The following EIF3L variants were observed in gnomAD, a reference collection of about 807,000 sequenced individuals.
EIF3L encodes eIEF associated protein HSPC021.
A neutral mutation model predicts 74.6 loss-of-function variants in EIF3L; 32 were observed. That is an observed-to-expected ratio of 0.43 (90% CI 0.32 to 0.58). EIF3L has a LOEUF of 0.58. Ranked by LOEUF, EIF3L falls within the 20% of genes least tolerant of loss-of-function variation. EIF3L has a pLI of 0.06. For synonymous variants in EIF3L, 256 were observed against 254.4 expected, an observed-to-expected ratio of 1.01 and a Z score of -0.06; for missense variants, 474 against 707.8, an observed-to-expected ratio of 0.67 and a Z score of 3.75.
At chr22:37,886,726 C>T (rs775710886) in intron 11 of EIF3L, 39 bp from the exon 12 acceptor site, 9 of 1,587,456 alleles carry the variant, frequency 5.7e-6, no homozygotes, top group Non-Finnish European at 3.4e-6. Context: ...CCTGCTCCTC[C>T]ACCTGGCTGC....
At chr22:37,857,567 C>A (rs1362605913) in intron 4 of EIF3L, among the ~76,000 whole-genome samples, 1 of 151,200 alleles carries the variant, frequency 6.6e-6, no homozygotes, top group Non-Finnish European at 1.5e-5. Flanking sequence ...GATGGAGTCA[C>A]GGAGTCTTGC....
chr22:37,856,303 C>T (rs1046799486), intron 4 of EIF3L, among the ~76,000 whole-genome samples: 2 of 152,228 alleles, frequency 1.3e-5, no homozygotes, highest in African/African-American at 2.4e-5. Context: ...TCTCGAACTG[C>T]TGACGTCAGG....
At chr22:37,864,575 G>C (rs944805752) in intron 7 of EIF3L, among the ~76,000 whole-genome samples, 3 of 144,382 alleles carry the variant, frequency 2.1e-5, no homozygotes, top group African/African-American at 7.8e-5. Flanking sequence ...GTCTGACTCT[G>C]TTACCCAGGC....
intron 3 of EIF3L, among the ~76,000 whole-genome samples, chr22:37,852,179 T>G (rs1925265077): frequency 1.3e-5 from 2 of 152,174 alleles, no homozygotes; most frequent in African/African-American, 4.8e-5. Context: ...ATAATAATGA[T>G]TAGCATTTGT....
chr22:37,860,190 TCTAAA>T (rs1210209181), intron 5 of EIF3L, among the ~76,000 whole-genome samples: 9 of 152,208 alleles, frequency 5.9e-5, no homozygotes. Context: ...TTATTTTCCC[TCTAAA>T]CTAGTTTTTC....
At chr22:37,888,175 G>T in intron 12 of EIF3L, 1 of 413,088 alleles carries the variant, frequency 2.4e-6, no homozygotes, top group South Asian at 6.7e-5. Flanking sequence ...TCCTTTTTCT[G>T]TCAGATGGAT....
intron 10 of EIF3L, chr22:37,876,245 T>G: frequency 2.3e-6 from 1 of 441,620 alleles, no homozygotes; most frequent in South Asian, 4.2e-5. Flanking sequence ...TCATCCTACC[T>G]TAGTCTTCCG....
intron 8 of EIF3L, among the ~76,000 whole-genome samples, chr22:37,872,705 A>G (rs1029777920): frequency 1.3e-5 from 2 of 151,648 alleles, no homozygotes; most frequent in East Asian, 3.9e-4. Context: ...TGCATCCTCT[A>G]CCTGCTGGGC....
At chr22:37,870,508 A>G (rs1222956039) in intron 8 of EIF3L, among the ~76,000 whole-genome samples, 161 bp downstream of exon 8, 3 of 152,166 alleles carry the variant, frequency 2.0e-5, no homozygotes, top group African/African-American at 7.2e-5. Context: ...GTAGCAGAGT[A>G]TTTGTGCTGG....
chr22:37,858,434 AGTCTCTAAATG>A, intron 4 of EIF3L: 1 of 476,736 alleles, frequency 2.1e-6, no homozygotes, highest in South Asian at 2.6e-5. Flanking sequence ...GGATGGCAGA[AGTCTCTAAATG>A]GTGAAAGGAA....
chr22:37,849,654 C>T, intron 1 of EIF3L, 172 bp downstream of exon 1: 1 of 718,414 alleles, frequency 1.4e-6, no homozygotes, highest in Non-Finnish European at 2.3e-6. Context: ...CCTGGCTCTG[C>T]CCGCCCACTT....
Position 37,850,034 on chromosome 22 carries a change from C to G in EIF3L, c.53C>G (p.Ala18Gly), listed in dbSNP as rs1247722052. 1 of 1,613,784 alleles carries G rather than the reference C, an allele frequency of 6.2e-7. No homozygotes were observed. Among genetic ancestry groups the G allele is most frequent in the Non-Finnish European group, 8.5e-7 (1 of 1,179,808 alleles). Reference sequence around the variant, plus strand: ...TTCTAGGCGGCTTATGACCCCTACGCTTATCCCAGCGACTATGATATGCAC... The same window carrying G: ...TTCTAGGCGGCTTATGACCCCTACGGTTATCCCAGCGACTATGATATGCAC... ...YESEAAYDPY[A>G]YPSDYDMHTG... Residue 18 changes from alanine (A) to glycine (G), a missense_variant, in exon 2 of 13, where the codon GCT becomes GGT. Around this residue, in one of 4 missense-constraint regions of EIF3L, gnomAD observed 39 missense variants for 24.2 expected, o/e 1.61. Transcript: ENST00000652021.
chr22:37,862,484 G>A (rs528320348), intron 5 of EIF3L, among the ~76,000 whole-genome samples: 14 of 152,308 alleles, frequency 9.2e-5, no homozygotes, highest in South Asian at 6.2e-4. Context: ...GCATGGCTGT[G>A]TTCCAGTAAA....
intron 1 of EIF3L, 27 bp downstream of exon 1, chr22:37,849,509 G>C: frequency 6.4e-7 from 1 of 1,574,594 alleles, no homozygotes; most frequent in Non-Finnish European, 8.7e-7. Flanking sequence ...GGCGCGGTGG[G>C]CTCCACGACG....
intron 7 of EIF3L, among the ~76,000 whole-genome samples, chr22:37,864,394 T>C (rs1034301335): frequency 3.9e-4 from 60 of 152,224 alleles, no homozygotes; most frequent in Middle Eastern, 3.4e-3. Flanking sequence ...CAGAATACAA[T>C]AGAACATTTT....
chr22:37,886,902 A>G (rs759321462), intron 12 of EIF3L, 57 bp downstream of exon 12: 1 of 1,383,222 alleles, frequency 7.2e-7, no homozygotes, highest in Non-Finnish European at 1.0e-6. Flanking sequence ...TAGGAACTGA[A>G]TCGAGAGTTT....
In EIF3L at chr22:37,856,320, G is replaced by A. The variant is rs571236395; in HGVS notation, c.373+676G>A. Among the ~76,000 whole-genome samples, 49 of 151,900 alleles carry A rather than the reference G, an allele frequency of 3.2e-4. 1 individual carries two copies. The highest frequency in any genetic ancestry group is 1.1e-3 in the African/African-American group (46 of 41,468). On this transcript the variant is annotated intron_variant, in intron 4 of 12. Coordinates refer to ENST00000652021, the MANE Select transcript of EIF3L (RefSeq NM_016091.4). Reference sequence around the variant, plus strand: ...TCGAACTGCTGACGTCAGGTGATTCGCCCACCTCAGCCTCCCAAAGTGCTA... The same window carrying A: ...TCGAACTGCTGACGTCAGGTGATTCACCCACCTCAGCCTCCCAAAGTGCTA...
intron 5 of EIF3L, among the ~76,000 whole-genome samples, chr22:37,859,245 G>T (rs1282947673): frequency 1.3e-5 from 2 of 151,694 alleles, no homozygotes; most frequent in Admixed American, 6.6e-5. Context: ...TATCCAGCTA[G>T]TAAGTGACAA....
In EIF3L at chr22:37,863,009, A is replaced by G; in HGVS notation, c.476A>G (p.Asn159Ser). Residue 159 changes from asparagine (N) to serine (S), a missense_variant, in exon 6 of 13, where the codon AAC becomes AGC. Asn to Ser is a conservative substitution (Grantham distance 46). Transcript: ENST00000652021. ...SLEQRFESYY[N>S]YCNLFNYILN... ...GAGCAGAGGTTTGAATCCTATTACA[A>G]CTACTGCAATCTCTTCAACTACATT... 1 of 1,613,506 alleles carries G rather than the reference A, an allele frequency of 6.2e-7. No homozygotes were observed. Among genetic ancestry groups the G allele is most frequent in the South Asian group, 1.1e-5 (1 of 90,958 alleles).
Sources: allele counts gnomAD v4.1 joint callset (sites outside exome capture counted in the v4.1 genomes callset), GRCh38; gene constraint gnomAD v4.1.1; regional missense constraint gnomAD v4.1.1; transcripts MANE v1.5; gene names NCBI Gene and HGNC (gene_info 2026-07-23, HGNC 2026-07-21).